KCNMB2: variants seen among roughly 807,000 people sequenced by gnomAD.
The protein encoded by KCNMB2 is potassium calcium-activated channel subfamily M regulatory beta subunit 2.
Under a neutral mutation model 24.5 loss-of-function variants are expected in KCNMB2, and 9 were observed. That is an observed-to-expected ratio of 0.37 (90% confidence interval 0.22 to 0.64). KCNMB2 has a LOEUF of 0.64. Among genes scored for constraint, KCNMB2 ranks in the 30% least tolerant of loss-of-function variants. KCNMB2 has a pLI of 0.63. For synonymous variants in KCNMB2, 109 were observed against 104.4 expected, an observed-to-expected ratio of 1.04 and a Z score of -0.27; for missense variants, 226 against 284.3, an observed-to-expected ratio of 0.79 and a Z score of 1.47.
At chr3:178,769,641 A>G (rs1032313866) in intron 1 of KCNMB2, among the ~76,000 whole-genome samples, 1 of 152,244 alleles carries the variant, frequency 6.6e-6, no homozygotes, top group Non-Finnish European at 1.5e-5. Context: ...TCCCCAAATT[A>G]ATTCAAAAAT....
At chr3:178,817,542 T>C (rs888772325) in intron 2 of KCNMB2, among the ~76,000 whole-genome samples, 4 of 152,128 alleles carry the variant, frequency 2.6e-5, no homozygotes, top group Non-Finnish European at 5.9e-5. Flanking sequence ...CAGAGATGTA[T>C]AGCAGCTGTG....
chr3:178,539,484 A>G (rs1715542847), intron 1 of KCNMB2, among the ~76,000 whole-genome samples: 1 of 152,126 alleles, frequency 6.6e-6, no homozygotes, highest in Non-Finnish European at 1.5e-5. Context: ...ATAAAAGTTT[A>G]TCTCCAGCCC....
intron 1 of KCNMB2, among the ~76,000 whole-genome samples, chr3:178,745,167 G>T (rs1723622652): frequency 6.6e-6 from 1 of 152,178 alleles, no homozygotes; most frequent in Admixed American, 6.5e-5. Context: ...TTTTCATGCT[G>T]CTGATAAAGA....
intron 1 of KCNMB2, among the ~76,000 whole-genome samples, chr3:178,715,982 T>C (rs769184523): frequency 1.2e-4 from 19 of 152,224 alleles, no homozygotes; most frequent in Non-Finnish European, 2.4e-4. Context: ...TTATGCTTTA[T>C]AGGACTTTCC....
At chr3:178,719,974 T>A (rs1217979485) in intron 1 of KCNMB2, among the ~76,000 whole-genome samples, 1 of 152,118 alleles carries the variant, frequency 6.6e-6, no homozygotes, top group East Asian at 1.9e-4. Context: ...TAATCTTTTT[T>A]TTCAGTGTTT....
chr3:178,826,754 A>G (rs1714848688), intron 3 of KCNMB2, among the ~76,000 whole-genome samples: 1 of 152,234 alleles, frequency 6.6e-6, no homozygotes, highest in Admixed American at 6.5e-5. Flanking sequence ...TTTAGAAGCA[A>G]AATCTAGCTG....
At position 178,685,380 on chromosome 3, in the gene KCNMB2, C is replaced by T. The variant is rs1004503763; in HGVS notation, c.-67-121963C>T. 3.9e-5 allele frequency among the ~76,000 whole-genome samples: 6 copies of T among 152,184 alleles called. No homozygotes were observed. The East Asian group carries it at 9.6e-4, about 24-fold the overall frequency. ...ACTTGAGAATGCCTTTTGATAGCAT[C>T]TTTGCTTTTTGATAAGATCTTTCAT... On this transcript the variant is annotated intron_variant, in intron 1 of 4. Coordinates refer to ENST00000452583, the MANE Select transcript of KCNMB2 (RefSeq NM_181361.3).
At position 178,654,651 on chromosome 3, in the gene KCNMB2, A is replaced by T. The variant is rs566232624; in HGVS notation, c.-68+117940A>T. Among the ~76,000 whole-genome samples the T allele has an allele frequency of 1.9e-3, 283 of 152,246 alleles. 1 individual carries two copies. Among genetic ancestry groups the T allele is most frequent in the African/African-American group, 6.3e-3 (260 of 41,572 alleles). Reference sequence around the variant, plus strand: ...ATATTCCAATACTTAGACTTTTTTTAAAAAAGATGGGATTTTTATGTGTTT... The same window carrying T: ...ATATTCCAATACTTAGACTTTTTTTTAAAAAGATGGGATTTTTATGTGTTT... On this transcript the variant is annotated intron_variant, in intron 1 of 4. Transcript: ENST00000452583.
chr3:178,723,057 C>G (rs1260998085), intron 1 of KCNMB2, among the ~76,000 whole-genome samples: 2 of 152,134 alleles, frequency 1.3e-5, no homozygotes, highest in Non-Finnish European at 2.9e-5. Context: ...TTTCTAGACT[C>G]TCCATTCAAT....
rs191941168 is a variant in KCNMB2, at chr3:178,741,661, G to A, written c.-67-65682G>A. The stretch of plus-strand genomic sequence containing the variant: ...GCTTCCAAATGTCAATTTCAGACCA[G>A]GCGTCCACAACCTTCCTTCAGCTAT... On this transcript the variant is annotated intron_variant, in intron 1 of 4. Transcript: ENST00000452583. 9.1e-4 allele frequency among the ~76,000 whole-genome samples: 139 copies of A among 152,286 alleles called. No homozygotes were observed. The Middle Eastern group carries it at 0.02, about 22-fold the overall frequency.
At chr3:178,806,180 G>A (rs1713959586) in intron 1 of KCNMB2, among the ~76,000 whole-genome samples, 1 of 152,090 alleles carries the variant, frequency 6.6e-6, no homozygotes, top group Non-Finnish European at 1.5e-5. Flanking sequence ...AAGAATGGAA[G>A]GCAAGTAGAT....
chr3:178,715,304 T>G (rs1722583030), intron 1 of KCNMB2, among the ~76,000 whole-genome samples: 1 of 151,902 alleles, frequency 6.6e-6, no homozygotes, highest in Non-Finnish European at 1.5e-5. Context: ...GAAGAACAGA[T>G]CCGAAAGAGC....
chr3:178,830,327 G>A (rs1715007042), intron 4 of KCNMB2, among the ~76,000 whole-genome samples: 1 of 152,062 alleles, frequency 6.6e-6, no homozygotes, highest in Admixed American at 6.6e-5. Flanking sequence ...TCCATTGTAT[G>A]AGTATGTCTG....
In KCNMB2 at chr3:178,576,985, G is replaced by A. The variant is rs530177063; in HGVS notation, c.-68+40274G>A. 1.5e-3 allele frequency among the ~76,000 whole-genome samples: 231 copies of A among 152,302 alleles called. 1 individual carries two copies. Among genetic ancestry groups the A allele is most frequent in the African/African-American group, 5.4e-3 (223 of 41,566 alleles). On this transcript the variant is annotated intron_variant, in intron 1 of 4. Transcript: ENST00000452583. ...CGGAGGATCTCCCAGCTCAGTGCTC[G>A]AGCTCTGCTAAGGGACAGACTGCCT...
At chr3:178,698,572 T>C (rs1349268174) in intron 1 of KCNMB2, among the ~76,000 whole-genome samples, 1 of 152,264 alleles carries the variant, frequency 6.6e-6, no homozygotes, top group Non-Finnish European at 1.5e-5. Flanking sequence ...CTCCTGTAGC[T>C]CAGTGAATTT....
chr3:178,688,935 G>C (rs1258966420), intron 1 of KCNMB2, among the ~76,000 whole-genome samples: 1 of 152,052 alleles, frequency 6.6e-6, no homozygotes, highest in Non-Finnish European at 1.5e-5. Flanking sequence ...AAGTGTTTCA[G>C]TAAGTATTTA....
chr3:178,614,507 T>G (rs1472240557), intron 1 of KCNMB2, among the ~76,000 whole-genome samples: 1 of 151,320 alleles, frequency 6.6e-6, no homozygotes, highest in Non-Finnish European at 1.5e-5. Flanking sequence ...CTCATGAGAC[T>G]TATTCACTAT....
At chr3:178,570,346 C>T (rs113932328) in intron 1 of KCNMB2, among the ~76,000 whole-genome samples, 1 of 151,980 alleles carries the variant, frequency 6.6e-6, no homozygotes, top group Non-Finnish European at 1.5e-5. Context: ...AAGTCCCCCA[C>T]AATTTTTTTA....
intron 1 of KCNMB2, among the ~76,000 whole-genome samples, chr3:178,756,533 A>G (rs1436678227): frequency 6.6e-6 from 1 of 152,146 alleles, no homozygotes; most frequent in African/African-American, 2.4e-5. Context: ...ATAACACACT[A>G]GTCAAGAAGA....
Sources: gnomAD v4.1 joint callset for allele counts (sites outside exome capture counted in the v4.1 genomes callset) on GRCh38, gnomAD v4.1.1 for gene constraint, MANE v1.5 for transcripts, NCBI Gene and HGNC (gene_info 2026-07-23, HGNC 2026-07-21) for gene names.